The following DPP10 variants were observed in gnomAD, a reference collection of about 807,000 sequenced individuals.
DPP10 encodes dipeptidyl peptidase like 10, also known as inactive dipeptidyl peptidase 10.
A neutral mutation model predicts 120.9 loss-of-function variants in DPP10; 33 were observed. The observed-to-expected ratio is 0.27, with a 90% CI of 0.21 to 0.37. DPP10 has a LOEUF of 0.37. DPP10 is among the 10% of genes least tolerant of loss of function. The probability of loss-of-function intolerance (pLI) is 1.00; values close to 1 mark genes in which losing one functional copy is unlikely to be tolerated. For synonymous variants in DPP10, 337 were observed against 326.1 expected (o/e 1.03, Z -0.36); for missense variants, 816 against 942.8 (o/e 0.87, Z 1.76).
intron 1 of DPP10, among the ~76,000 whole-genome samples, chr2:114,976,641 A>G (rs1699771506): frequency 6.6e-6 from 1 of 152,234 alleles, no homozygotes; most frequent in African/African-American, 2.4e-5. Context: ...GTTTGAAAAC[A>G]GCATACTTTT....
intron 1 of DPP10, among the ~76,000 whole-genome samples, chr2:114,884,711 C>T (rs896508595): frequency 6.6e-6 from 1 of 152,158 alleles, no homozygotes; most frequent in African/African-American, 2.4e-5. Context: ...TTACCCTCCT[C>T]CCACCCTTCC....
At chr2:115,240,290 C>T (rs1483947601) in intron 1 of DPP10, among the ~76,000 whole-genome samples, 2 of 152,180 alleles carry the variant, frequency 1.3e-5, no homozygotes, top group Non-Finnish European at 1.5e-5. Flanking sequence ...TTAATGATCA[C>T]CATTCTAACT....
intron 1 of DPP10, among the ~76,000 whole-genome samples, chr2:114,805,500 G>T (rs190005620): frequency 9.9e-5 from 15 of 152,230 alleles, no homozygotes; most frequent in African/African-American, 3.6e-4. Flanking sequence ...CAGATGCTTG[G>T]CCCAGACACA....
intron 1 of DPP10, among the ~76,000 whole-genome samples, chr2:114,483,607 A>T (rs561245053): frequency 2.6e-5 from 4 of 152,168 alleles, no homozygotes; most frequent in Non-Finnish European, 5.9e-5. Context: ...GACAAAGATT[A>T]TCAAAGAATA....
intron 3 of DPP10, among the ~76,000 whole-genome samples, chr2:115,389,258 A>G (rs1293508186): frequency 8.0e-6 from 1 of 125,056 alleles, no homozygotes; most frequent in Non-Finnish European, 1.7e-5. Context: ...TTATGCTTTT[A>G]CTAAACACAC....
At chr2:115,641,525 C>G (rs2086779853) in intron 5 of DPP10, among the ~76,000 whole-genome samples, 1 of 146,948 alleles carries the variant, frequency 6.8e-6, no homozygotes. Flanking sequence ...GAACCCCACT[C>G]TCTCCCTCTA....
intron 3 of DPP10, among the ~76,000 whole-genome samples, chr2:115,495,059 C>T (rs1170943471): frequency 1.3e-5 from 2 of 151,956 alleles, no homozygotes; most frequent in Non-Finnish European, 2.9e-5. Flanking sequence ...ACAGCATAAC[C>T]CGTTAAGCAA....
At chr2:114,770,070 G>T (rs1372855276) in intron 1 of DPP10, among the ~76,000 whole-genome samples, 2 of 152,140 alleles carry the variant, frequency 1.3e-5, no homozygotes, top group East Asian at 3.9e-4. Flanking sequence ...GGTTTTAAAA[G>T]ATGCCATTTT....
At chr2:115,667,565 G>T (rs1339568397) in intron 5 of DPP10, among the ~76,000 whole-genome samples, 2 of 152,010 alleles carry the variant, frequency 1.3e-5, no homozygotes, top group African/African-American at 4.8e-5. Flanking sequence ...CAAATGTCTT[G>T]CCACTTATCC....
chr2:114,813,260 A>G (rs1405419726), intron 1 of DPP10, among the ~76,000 whole-genome samples: 1 of 152,200 alleles, frequency 6.6e-6, no homozygotes, highest in Non-Finnish European at 1.5e-5. Context: ...AAAAACATAT[A>G]TAGGAAGGAA....
At chr2:115,503,321 T>G (rs186582146) in intron 4 of DPP10, among the ~76,000 whole-genome samples, 2 of 152,290 alleles carry the variant, frequency 1.3e-5, no homozygotes, top group African/African-American at 4.8e-5. Context: ...GTGTTTTTCA[T>G]TTGGTTTCTT....
chr2:115,414,223 A>C (rs2069184773), intron 3 of DPP10, among the ~76,000 whole-genome samples: 1 of 152,124 alleles, frequency 6.6e-6, no homozygotes, highest in South Asian at 2.1e-4. Flanking sequence ...ATTTTGTCCC[A>C]CTCTATTATT....
intron 1 of DPP10, among the ~76,000 whole-genome samples, chr2:114,513,837 A>G (rs1684374129): frequency 6.6e-6 from 1 of 152,222 alleles, no homozygotes; most frequent in South Asian, 2.1e-4. Context: ...CTCATTGAAA[A>G]TGAAATGACT....
At chr2:114,511,166 TA>T (rs1684117128) in intron 1 of DPP10, among the ~76,000 whole-genome samples, 1 of 152,226 alleles carries the variant, frequency 6.6e-6, no homozygotes, top group Admixed American at 6.5e-5. Context: ...TAAATAGGTA[TA>T]AATATATATG....
intron 1 of DPP10, among the ~76,000 whole-genome samples, chr2:114,708,027 C>T (rs747435438): frequency 3.9e-5 from 6 of 152,194 alleles, no homozygotes; most frequent in Non-Finnish European, 7.3e-5. Flanking sequence ...AAAGGAGACA[C>T]GGCTGCTTCA....
intron 5 of DPP10, among the ~76,000 whole-genome samples, chr2:115,687,012 G>A (rs72828530): frequency 0.11 from 16,834 of 151,934 alleles, 1,225 homozygotes; most frequent in Non-Finnish European, 0.16. Context: ...CTACTTAGCC[G>A]TATGGAAGGG....
intron 3 of DPP10, among the ~76,000 whole-genome samples, chr2:115,389,388 T>C (rs2067176343): frequency 1.3e-5 from 2 of 152,120 alleles, no homozygotes; most frequent in Admixed American, 6.6e-5. Flanking sequence ...TGTTGGCTTT[T>C]ATAAAAGTTA....
At chr2:115,827,930 T>C (rs1688542946) in intron 21 of DPP10, among the ~76,000 whole-genome samples, 1 of 152,084 alleles carries the variant, frequency 6.6e-6, no homozygotes, top group African/African-American at 2.4e-5. Context: ...AATTTAAATA[T>C]AGTGTTTAAA....
chr2:115,125,658 T>G (rs1322902107), intron 1 of DPP10, among the ~76,000 whole-genome samples: 1 of 141,482 alleles, frequency 7.1e-6, no homozygotes, highest in Non-Finnish European at 1.5e-5. Context: ...GGCAAGCGCC[T>G]CCTCCCGGGT....
Sources: gnomAD v4.1 joint callset for allele counts (sites outside exome capture counted in the v4.1 genomes callset) on GRCh38, gnomAD v4.1.1 for gene constraint, MANE v1.5 for transcripts, NCBI Gene and HGNC (gene_info 2026-07-23, HGNC 2026-07-21) for gene names.